Variants in GRB2 observed in about 807,000 individuals in gnomAD.
The protein encoded by GRB2 is growth factor receptor-bound protein 2.
In GRB2, 2 loss-of-function variants were observed where a neutral mutation model predicts 27.4. The observed-to-expected ratio is 0.07, with a 90% confidence interval of 0.03 to 0.23. The LOEUF (loss-of-function observed/expected upper bound fraction) is 0.23, where lower values mean the gene tolerates loss of function less well. Among genes scored for constraint, GRB2 ranks in the 10% least tolerant of loss-of-function variants. The pLI is 1.00. For missense variants in GRB2, 102 were observed against 282.4 expected, an observed-to-expected ratio of 0.36 and a Z score of 4.58; for synonymous variants, 94 against 99.6, an observed-to-expected ratio of 0.94 and a Z score of 0.33.
intron 2 of GRB2, among the ~76,000 whole-genome samples, chr17:75,351,544 C>G (rs768691214): frequency 8.6e-5 from 13 of 151,966 alleles, no homozygotes; most frequent in Non-Finnish European, 1.9e-4. Flanking sequence ...GTCCCAGCTA[C>G]TCTGAGACTA....
At chr17:75,402,135 CACAAA>C (rs1302348996) in intron 1 of GRB2, among the ~76,000 whole-genome samples, 2 of 152,220 alleles carry the variant, frequency 1.3e-5, no homozygotes, top group Admixed American at 1.3e-4. Context: ...AATCATCTAA[CACAAA>C]GCCCATTTTA....
chr17:75,377,774 G>A (rs867331298), intron 2 of GRB2, among the ~76,000 whole-genome samples: 11 of 151,974 alleles, frequency 7.2e-5, no homozygotes, highest in African/African-American at 2.2e-4. Context: ...GGGTATGGTG[G>A]CACACGCCTG....
chr17:75,348,567 T>C (rs1374546885), intron 2 of GRB2, among the ~76,000 whole-genome samples: 1 of 152,220 alleles, frequency 6.6e-6, no homozygotes, highest in Non-Finnish European at 1.5e-5. Flanking sequence ...GAAGTGTTTA[T>C]GAGCTAAGGG....
At chr17:75,343,491 G>T (rs886379314) in intron 2 of GRB2, among the ~76,000 whole-genome samples, 1 of 152,078 alleles carries the variant, frequency 6.6e-6, no homozygotes, top group African/African-American at 2.4e-5. Context: ...CCAAATTACA[G>T]GATATTTCTT....
At chr17:75,324,973 G>A (rs751013297) in intron 4 of GRB2, among the ~76,000 whole-genome samples, 35 of 152,272 alleles carry the variant, frequency 2.3e-4, no homozygotes, top group African/African-American at 5.5e-4. Flanking sequence ...GTACTCGGAG[G>A]GTGGGGCAGG....
intron 2 of GRB2, among the ~76,000 whole-genome samples, chr17:75,359,852 C>T (rs889409395): frequency 2.6e-5 from 4 of 151,990 alleles, no homozygotes; most frequent in African/African-American, 7.3e-5. Context: ...AATTGAACTA[C>T]TTGTGGGTAG....
At chr17:75,382,852 G>A (rs182751716) in intron 2 of GRB2, among the ~76,000 whole-genome samples, 120 of 152,196 alleles carry the variant, frequency 7.9e-4, no homozygotes, top group African/African-American at 2.7e-3. Context: ...GGGACTACAG[G>A]CGCCTGCCAC....
chr17:75,348,608 T>TA (rs1331531434), intron 2 of GRB2, among the ~76,000 whole-genome samples: 1 of 152,090 alleles, frequency 6.6e-6, no homozygotes, highest in African/African-American at 2.4e-5. Context: ...AGGAAATAAG[T>TA]AAAAAAGTGA....
chr17:75,337,901 C>CTACTATTAT (rs1375563317), intron 2 of GRB2, among the ~76,000 whole-genome samples: 3 of 117,388 alleles, frequency 2.6e-5, no homozygotes, highest in Admixed American at 8.4e-5. Flanking sequence ...ACTACTACTA[C>CTACTATTAT]TATTATTATT....
intron 2 of GRB2, among the ~76,000 whole-genome samples, chr17:75,362,349 TG>T (rs2145848692): frequency 1.3e-5 from 2 of 152,368 alleles, no homozygotes; most frequent in East Asian, 3.9e-4. Flanking sequence ...ACTGTTTATC[TG>T]TGCTTTATGC....
intron 2 of GRB2, among the ~76,000 whole-genome samples, chr17:75,391,574 C>T (rs1007979855): frequency 5.3e-5 from 8 of 152,018 alleles, no homozygotes; most frequent in Non-Finnish European, 1.0e-4. Context: ...TTTGGGAGGC[C>T]GAGGTGGGCA....
At chr17:75,385,337 G>A (rs2078957214) in intron 2 of GRB2, among the ~76,000 whole-genome samples, 1 of 152,110 alleles carries the variant, frequency 6.6e-6, no homozygotes, top group South Asian at 2.1e-4. Context: ...AGGATTTTGA[G>A]ACCAGCCCGG....
At chr17:75,322,681 G>C (rs1177246074) in intron 4 of GRB2, among the ~76,000 whole-genome samples, 1 of 152,082 alleles carries the variant, frequency 6.6e-6, no homozygotes. Context: ...TCCATCACTA[G>C]ATCACACCCT....
intron 4 of GRB2, among the ~76,000 whole-genome samples, chr17:75,322,054 A>T (rs980180097): frequency 3.9e-5 from 6 of 152,160 alleles, no homozygotes; most frequent in Non-Finnish European, 8.8e-5. Flanking sequence ...GCCATCAGTC[A>T]TTCTCATTCT....
At chr17:75,383,036 T>C (rs2078939722) in intron 2 of GRB2, among the ~76,000 whole-genome samples, 1 of 151,368 alleles carries the variant, frequency 6.6e-6, no homozygotes, top group African/African-American at 2.4e-5. Context: ...TAAAAGTTGT[T>C]TGGGAAAAAC....
chr17:75,381,224 G>T (rs1598249109), intron 2 of GRB2, among the ~76,000 whole-genome samples: 2 of 151,806 alleles, frequency 1.3e-5, no homozygotes, highest in East Asian at 3.8e-4. Context: ...TACAATTACA[G>T]GATTATAAAA....
Position 75,350,935 on chromosome 17 carries a change from G to A in GRB2, c.79-18138C>T, listed in dbSNP as rs144142690. Among the ~76,000 whole-genome samples, 817 of 152,286 alleles carry A rather than the reference G, an allele frequency of 5.4e-3. 5 individuals are homozygous for A. The highest frequency in any genetic ancestry group is 0.017 in the African/African-American group (692 of 41,560). Reference sequence around the variant, plus strand: ...GGTGCAAAAGTTCTCAGGCAGGAAGGGATGTGGCATAGTCTAGGGGAGACC... The same window carrying A: ...GGTGCAAAAGTTCTCAGGCAGGAAGAGATGTGGCATAGTCTAGGGGAGACC... On this transcript the variant is annotated intron_variant, in intron 2 of 5. Transcript: ENST00000316804.
In GRB2 at chr17:75,320,518, A is replaced by C. The variant is rs1371499761; in HGVS notation, c.504T>G (p.Asp168Glu). The C allele has an allele frequency of 1.2e-6, 2 of 1,613,978 alleles. No homozygotes were observed. The highest frequency in any genetic ancestry group is 2.2e-5 in the East Asian group (1 of 44,876). Residue 168 changes from aspartate (D) to glutamate (E), a missense_variant, in exon 6 of 6, where the codon GAT (aspartate) becomes GAG (glutamate). Coordinates refer to ENST00000316804, the MANE Select transcript of GRB2 (RefSeq NM_002086.5). This position sits in a 1 kb window ranked among gnomAD's most constrained non-coding sequence, Gnocchi z 4.3. ...AGCCCAGCTCTCCATCCTCCTGGGG[A>C]TCAAAGTCAAAGAGGGCCTGGACGT... is the stretch of plus-strand genomic sequence containing the variant. ...PTYVQALFDF[D>E]PQEDGELGFR...
chr17:75,357,618 T>C (rs534070267), intron 2 of GRB2, among the ~76,000 whole-genome samples: 1 of 152,318 alleles, frequency 6.6e-6, no homozygotes, highest in East Asian at 1.9e-4. Flanking sequence ...TGACGGTCTA[T>C]TCATGCTTAA....
Sources: gnomAD v4.1 joint callset for allele counts (sites outside exome capture counted in the v4.1 genomes callset) on GRCh38, gnomAD v4.1.1 for gene constraint, Gnocchi (gnomAD v3.1) non-coding constraint, MANE v1.5 for transcripts, NCBI Gene and HGNC (gene_info 2026-07-23, HGNC 2026-07-21) for gene names.